Variants in TNS1 observed in about 807,000 individuals in gnomAD.
TNS1 encodes the protein tensin 1.
In TNS1, 62 loss-of-function variants were observed where a neutral mutation model predicts 168.6. The ratio of observed to expected loss-of-function variants is 0.37; its 90% CI spans 0.30 to 0.45. TNS1 has a LOEUF of 0.45. TNS1 is among the 20% of genes least tolerant of loss of function. TNS1 has a pLI of 1.00. For synonymous variants in TNS1, 934 were observed against 933.2 expected (o/e 1.00, Z -0.02); for missense variants, 2,240 against 2,339.4 (o/e 0.96, Z 0.88).
intron 3 of TNS1, among the ~76,000 whole-genome samples, chr2:217,966,344 G>A (rs1271436570): frequency 3.3e-5 from 5 of 151,998 alleles, no homozygotes; most frequent in East Asian, 1.9e-4. Flanking sequence ...CAGCAAGAGA[G>A]AGAGAGACTC....
At chr2:217,903,577 C>A (rs889709405) in intron 6 of TNS1, 1 of 1,534,202 alleles carries the variant, frequency 6.5e-7, no homozygotes, top group African/African-American at 1.4e-5. Context: ...TCTCTAAACA[C>A]CAAACAGAAC....
chr2:217,861,494 T>A (rs1948781438), intron 18 of TNS1, among the ~76,000 whole-genome samples: 1 of 152,088 alleles, frequency 6.6e-6, no homozygotes, highest in Admixed American at 6.5e-5. Flanking sequence ...TCACCTCCCA[T>A]TTTCTGGAAA....
intron 19 of TNS1, 55 bp from the exon 20 acceptor site, chr2:217,836,266 CAATCGGCCT>C: frequency 2.0e-6 from 3 of 1,534,420 alleles, no homozygotes; most frequent in Non-Finnish European, 2.7e-6. Context: ...AAGAAATGAT[CAATCGGCCT>C]AATCCCATCA....
At chr2:218,017,317 G>A (rs1958770573) in intron 1 of TNS1, among the ~76,000 whole-genome samples, 1 of 152,220 alleles carries the variant, frequency 6.6e-6, no homozygotes, top group Admixed American at 6.5e-5. Flanking sequence ...GAGCAGAGCA[G>A]GCCCAGCCCC....
intron 18 of TNS1, among the ~76,000 whole-genome samples, chr2:217,862,868 T>C (rs1164640308): frequency 6.6e-6 from 1 of 152,190 alleles, no homozygotes; most frequent in African/African-American, 2.4e-5. Context: ...AAGTAGGATA[T>C]TGGTGGACAA....
chr2:218,023,962 A>T (rs2106011564), intron 1 of TNS1, among the ~76,000 whole-genome samples: 1 of 152,304 alleles, frequency 6.6e-6, no homozygotes, highest in South Asian at 2.1e-4. Context: ...GGGCAAGGAG[A>T]TGCCCATGAG....
At position 217,986,741 on chromosome 2, in the gene TNS1, A is replaced by G; in HGVS notation, c.148+4201T>C. 1 of 144,026 alleles carries G rather than the reference A, an allele frequency of 6.9e-6. No individual in the cohort carries two copies. Among genetic ancestry groups the G allele is most frequent in the African/African-American group, 2.7e-5 (1 of 36,484 alleles). 8.9% of individuals were successfully genotyped at this position (144,026 alleles called of 1,614,324 possible). ...AACGGCCCTCCACATACACACACACACACACACACACACACACACACGCAC... is the reference window on the plus strand; with the variant it reads ...AACGGCCCTCCACATACACACACACGCACACACACACACACACACACGCAC... On this transcript the variant is annotated intron_variant, in intron 2 of 32. Coordinates refer to ENST00000682258, the MANE Select transcript of TNS1 (RefSeq NM_001387777.1). The surrounding 1 kb of genome is among the most constrained non-coding windows in gnomAD (Gnocchi z 4.7).
chr2:217,885,358 A>G (rs1327931404), intron 15 of TNS1, among the ~76,000 whole-genome samples, 194 bp from the exon 16 acceptor site: 1 of 152,260 alleles, frequency 6.6e-6, no homozygotes, highest in African/African-American at 2.4e-5. Flanking sequence ...ATTGGAGGCC[A>G]GTCTTGGCCT....
At chr2:217,886,380 T>C (rs1178694691) in intron 13 of TNS1, among the ~76,000 whole-genome samples, 154 bp downstream of exon 13, 1 of 152,046 alleles carries the variant, frequency 6.6e-6, no homozygotes, top group East Asian at 1.9e-4. Flanking sequence ...CTTAGAAAAG[T>C]TTAGGAAGCA....
chr2:217,896,185 C>T (rs1049189940), intron 8 of TNS1, among the ~76,000 whole-genome samples: 7 of 152,166 alleles, frequency 4.6e-5, no homozygotes, highest in Non-Finnish European at 8.8e-5. Context: ...AAAGGCAGAG[C>T]CAGAATTTGA....
chr2:217,872,854 T>C (rs1387389365), intron 18 of TNS1, among the ~76,000 whole-genome samples: 6 of 152,230 alleles, frequency 3.9e-5, no homozygotes, highest in Non-Finnish European at 7.3e-5. Context: ...TAGAATATCA[T>C]TCAGCAACAA....
At chr2:217,807,257 A>G (rs1939317691) in intron 32 of TNS1, among the ~76,000 whole-genome samples, 1 of 152,236 alleles carries the variant, frequency 6.6e-6, no homozygotes, top group African/African-American at 2.4e-5. Flanking sequence ...TAATCCTGAC[A>G]AAGTGAAAAG....
chr2:217,870,800 G>A (rs550866838), intron 18 of TNS1, among the ~76,000 whole-genome samples: 10 of 152,206 alleles, frequency 6.6e-5, no homozygotes, highest in African/African-American at 1.7e-4. Context: ...CAGCTGCCTC[G>A]CAGAGCAGGG....
At position 217,869,321 on chromosome 2, in the gene TNS1, T is replaced by C. The variant is rs187106905; in HGVS notation, c.1429+11577A>G. On this transcript the variant is annotated intron_variant, in intron 18 of 32. Transcript: ENST00000682258. ...AGGACAATGAGTGAAGAAGCTCAAC[T>C]TTGCCAAAGCAAATCAGCCTCTGAA... Among the ~76,000 whole-genome samples the C allele has an allele frequency of 6.6e-5, 10 of 152,266 alleles. No individual in the cohort carries two copies. The East Asian group carries it at 1.4e-3, about 21-fold the overall frequency.
At chr2:217,928,922 A>C (rs1956173567) in intron 3 of TNS1, among the ~76,000 whole-genome samples, 2 of 151,920 alleles carry the variant, frequency 1.3e-5, no homozygotes, top group African/African-American at 4.8e-5. Context: ...GAACCTCCCC[A>C]CCTCTAACCA....
At chr2:217,919,254 C>G (rs572313125) in intron 4 of TNS1, among the ~76,000 whole-genome samples, 24 of 152,308 alleles carry the variant, frequency 1.6e-4, no homozygotes, top group Non-Finnish European at 3.4e-4. Context: ...GACTGAGCAC[C>G]CAGTGTCTGG....
In TNS1 at chr2:217,804,450, G is replaced by C. The variant is rs182851722; in HGVS notation, c.*9C>G. ...CCCCATGGCACTGGCCCTGGGCAAG[G>C]GGCAGGGTTCATCTCTTTTGGCCGG... On this transcript the variant is annotated 3_prime_UTR_variant, in exon 33 of 33. Transcript: ENST00000682258. 3.0e-5 allele frequency: 48 copies of C among 1,613,908 alleles called. No homozygotes were observed. The highest frequency in any genetic ancestry group is 4.1e-5 in the Non-Finnish European group (48 of 1,179,950).
intron 18 of TNS1, chr2:217,858,619 C>T (rs970867626): frequency 8.2e-6 from 8 of 977,882 alleles, no homozygotes; most frequent in Non-Finnish European, 9.7e-6. Context: ...CCTACTCAAG[C>T]TCCCTCCGAC....
At chr2:217,888,482 A>T (rs1047052181) in intron 12 of TNS1, among the ~76,000 whole-genome samples, 3 of 152,190 alleles carry the variant, frequency 2.0e-5, no homozygotes, top group African/African-American at 7.2e-5. Context: ...CTATGCAAGC[A>T]TATGTTGAAC....
Sources: allele counts gnomAD v4.1 joint callset (sites outside exome capture counted in the v4.1 genomes callset), GRCh38; gene constraint gnomAD v4.1.1; non-coding constraint Gnocchi (gnomAD v3.1); transcripts MANE v1.5; gene names NCBI Gene and HGNC (gene_info 2026-07-23, HGNC 2026-07-21).